NEBL: variants seen among roughly 807,000 people sequenced by gnomAD.
NEBL encodes nebulette.
Under a neutral mutation model 140.2 loss-of-function variants are expected in NEBL, and 122 were observed. That is an observed-to-expected ratio of 0.87 (90% CI 0.75 to 1.01). NEBL has a LOEUF of 1.01. Among genes scored for constraint, NEBL ranks in the 50% least tolerant of loss-of-function variants. NEBL has a pLI of 0.00. For synonymous variants in NEBL, 436 were observed against 398.9 expected (o/e 1.09, Z -1.11); for missense variants, 1,365 against 1,231.3 (o/e 1.11, Z -1.62).
chr10:21,072,449 A>G (rs1835859154), intron 2 of NEBL, among the ~76,000 whole-genome samples: 1 of 152,236 alleles, frequency 6.6e-6, no homozygotes, highest in Non-Finnish European at 1.5e-5. Context: ...TTCAGCCACT[A>G]CATGAGAGGT....
chr10:20,948,957 C>G (rs182555346), intron 4 of NEBL, among the ~76,000 whole-genome samples: 12 of 152,302 alleles, frequency 7.9e-5, no homozygotes, highest in Non-Finnish European at 2.9e-5. Context: ...TCCTCAAACA[C>G]ATATGTGCAC....
intron 2 of NEBL, among the ~76,000 whole-genome samples, chr10:21,050,552 G>C (rs1834728367): frequency 6.6e-6 from 1 of 152,206 alleles, no homozygotes; most frequent in Non-Finnish European, 1.5e-5. Context: ...AGTACGGGGA[G>C]AAGCATGAGA....
chr10:20,895,090 T>C (rs556926683), intron 2 of NEBL, among the ~76,000 whole-genome samples: 3 of 152,272 alleles, frequency 2.0e-5, no homozygotes, highest in African/African-American at 7.2e-5. Context: ...TTTTGCATAA[T>C]GATAAAGGCC....
chr10:21,217,668 C>A (rs1842013164), intron 3 of NEBL, among the ~76,000 whole-genome samples: 1 of 152,168 alleles, frequency 6.6e-6, no homozygotes, highest in Admixed American at 6.5e-5. Flanking sequence ...TTCTCACCTG[C>A]AAATGGGTTT....
In NEBL at chr10:20,831,567, T is replaced by C. The variant is rs753415890; in HGVS notation, c.1466A>G (p.Asp489Gly). 6.2e-7 allele frequency: 1 copy of C among 1,606,434 alleles called. No homozygotes were observed. The highest frequency in any genetic ancestry group is 1.1e-5 in the South Asian group (1 of 90,888). Reference sequence around the variant, plus strand: ...TTTCCCTTTAATTTCAGTCTCCAGATCTCTTTTATAGTCTTTCTGCAGAAA... The same window carrying C: ...TTTCCCTTTAATTTCAGTCTCCAGACCTCTTTTATAGTCTTTCTGCAGAAA... ...EIASEKDYKRDLETEIKGKGM... is the reference protein window; with the variant it reads ...EIASEKDYKRGLETEIKGKGM... The change falls in exon 15 of 28, where the codon GAT becomes GGT. Residue 489 changes from aspartate (D) to glycine (G), a missense_variant. By Grantham distance (94) the Asp-to-Gly change is moderately conservative (BLOSUM62 -1). Transcript: ENST00000377122.
At chr10:21,028,681 C>CA (rs1833644230) in intron 2 of NEBL, among the ~76,000 whole-genome samples, 1 of 149,240 alleles carries the variant, frequency 6.7e-6, no homozygotes, top group South Asian at 2.1e-4. Context: ...AGTATAATCA[C>CA]AAAAAATGGA....
intron 4 of NEBL, among the ~76,000 whole-genome samples, chr10:20,904,429 C>T (rs10828145): frequency 0.033 from 5,059 of 152,168 alleles, 251 homozygotes; most frequent in African/African-American, 0.12. Flanking sequence ...GACTTTACCA[C>T]TTAAAAAATT....
intron 1 of NEBL, among the ~76,000 whole-genome samples, chr10:21,291,311 G>A (rs553039470): frequency 2.9e-4 from 44 of 151,434 alleles, no homozygotes; most frequent in Admixed American, 2.6e-3. Flanking sequence ...TTCAAGACCA[G>A]CCTGGCCAAC....
intron 1 of NEBL, among the ~76,000 whole-genome samples, chr10:21,288,764 A>AAAAAAAAAAGGAG (rs1843095699): frequency 7.3e-6 from 1 of 136,310 alleles, no homozygotes; most frequent in African/African-American, 2.7e-5. Flanking sequence ...CATCGCCAAA[A>AAAAAAAAAAGGAG]AAAAAAAAAA....
chr10:21,257,715 C>G (rs1375026568), intron 1 of NEBL, among the ~76,000 whole-genome samples: 3 of 152,068 alleles, frequency 2.0e-5, no homozygotes, highest in African/African-American at 7.2e-5. Context: ...GAAACCCCAT[C>G]TCTACTAAAA....
chr10:21,128,936 A>T (rs547591966), intron 2 of NEBL, among the ~76,000 whole-genome samples: 1 of 152,226 alleles, frequency 6.6e-6, no homozygotes, highest in African/African-American at 2.4e-5. Context: ...TATAAGCCAC[A>T]TGCATATAAA....
intron 1 of NEBL, among the ~76,000 whole-genome samples, chr10:21,285,780 G>A (rs1159170469): frequency 6.6e-6 from 1 of 152,172 alleles, no homozygotes; most frequent in African/African-American, 2.4e-5. Context: ...AATCAAGTAA[G>A]GCATCAATCA....
intron 1 of NEBL, among the ~76,000 whole-genome samples, chr10:21,288,777 AAAAG>A (rs1237791393): frequency 7.5e-6 from 1 of 132,752 alleles, no homozygotes; most frequent in African/African-American, 2.7e-5. Context: ...AAAAAAAAGA[AAAAG>A]AAAATTATTA....
chr10:21,088,378 G>A (rs1273586996), intron 2 of NEBL, among the ~76,000 whole-genome samples: 6 of 152,110 alleles, frequency 3.9e-5, no homozygotes, highest in Non-Finnish European at 8.8e-5. Context: ...TCCCAGTTAC[G>A]CAGGAGGCTG....
chr10:21,261,229 C>T, intron 1 of NEBL, among the ~76,000 whole-genome samples: 1 of 152,174 alleles, frequency 6.6e-6, no homozygotes, highest in East Asian at 1.9e-4. Context: ...CTCCAGGCTG[C>T]TCTGCTAAAT....
chr10:20,823,369 C>CCG, intron 18 of NEBL, 69 bp from the exon 19 acceptor site: 1 of 1,142,592 alleles, frequency 8.8e-7, no homozygotes, highest in Non-Finnish European at 1.3e-6. Flanking sequence ...GAGAATTCTT[C>CCG]AATTGTAACT....
At chr10:21,141,197 A>C (rs994608341) in intron 2 of NEBL, among the ~76,000 whole-genome samples, 1 of 152,210 alleles carries the variant, frequency 6.6e-6, no homozygotes, top group Non-Finnish European at 1.5e-5. Context: ...TTTGCTAAAA[A>C]TGGCATTATT....
chr10:21,112,352 A>G (rs1157882131), intron 2 of NEBL, among the ~76,000 whole-genome samples: 3 of 152,206 alleles, frequency 2.0e-5, no homozygotes, highest in African/African-American at 7.2e-5. Context: ...AATGTCCATC[A>G]ATGATAGACT....
rs1838410016 is a variant in NEBL at position 20,813,836 on chromosome 10, C to T, written c.2346+103G>A. ...CTCAAAAGACAAGCCAACCACATTT[C>T]CATGCTTTGTTAGTTATCGGATTAA... On this transcript the variant is annotated intron_variant, in intron 23 of 27. Transcript: ENST00000377122. 6.2e-6 allele frequency: 5 copies of T among 806,550 alleles called. No individual in the cohort carries two copies. In the South Asian group the frequency reaches 7.1e-5, roughly 11 times the overall value. 50.0% of individuals were successfully genotyped at this position (806,550 alleles called of 1,614,324 possible). A position where few individuals can be genotyped will look rare whatever the true frequency, so the allele number is the denominator to read the frequency against.
Sources: allele counts gnomAD v4.1 joint callset (sites outside exome capture counted in the v4.1 genomes callset), GRCh38; gene constraint gnomAD v4.1.1; transcripts MANE v1.5; gene names NCBI Gene and HGNC (gene_info 2026-07-23, HGNC 2026-07-21).